The following PTPN21 variants were observed in gnomAD, a reference collection of about 807,000 sequenced individuals.
The protein encoded by PTPN21 is protein tyrosine phosphatase non-receptor type 21, also known as tyrosine-protein phosphatase non-receptor type 21.
In PTPN21, 77 loss-of-function variants were observed where a neutral mutation model predicts 131.8. That is an observed-to-expected ratio of 0.58 (90% confidence interval 0.49 to 0.71). The LOEUF (loss-of-function observed/expected upper bound fraction) is 0.71, where lower values mean the gene tolerates loss of function less well. PTPN21 is among the 30% of genes least tolerant of loss of function. The pLI, the probability that PTPN21 is intolerant of heterozygous loss-of-function variation, is 0.00. For synonymous variants in PTPN21, 715 were observed against 621.3 expected (o/e 1.15, Z -2.24); for missense variants, 1,552 against 1,527.1 (o/e 1.02, Z -0.27).
chr14:88,497,424 A>C, intron 8 of PTPN21, 134 bp from the exon 9 acceptor site: 1 of 701,648 alleles, frequency 1.4e-6, no homozygotes, highest in South Asian at 1.8e-5. Flanking sequence ...ACAAAAAACA[A>C]AAAACACGAG....
chr14:88,527,721 C>G (rs1042279321), intron 2 of PTPN21, among the ~76,000 whole-genome samples: 10 of 152,182 alleles, frequency 6.6e-5, no homozygotes, highest in Non-Finnish European at 1.3e-4. Context: ...GTCACAGACT[C>G]TTTGCCTAGG....
intron 10 of PTPN21, among the ~76,000 whole-genome samples, chr14:88,494,357 T>TA (rs2077870758): frequency 6.6e-6 from 1 of 152,150 alleles, no homozygotes. Flanking sequence ...CCACACTGTG[T>TA]ATGGCCTCGT....
chr14:88,539,459 G>T (rs745950402), intron 2 of PTPN21, among the ~76,000 whole-genome samples: 4 of 151,906 alleles, frequency 2.6e-5, no homozygotes, highest in Non-Finnish European at 4.4e-5. Flanking sequence ...TGTTGGTCAG[G>T]CTGGTCTCCA....
chr14:88,548,326 T>G (rs1440070138), intron 2 of PTPN21, among the ~76,000 whole-genome samples: 2 of 152,236 alleles, frequency 1.3e-5, no homozygotes, highest in Non-Finnish European at 2.9e-5. Context: ...TGTGTGGCCC[T>G]TACAGTCGGC....
At position 88,480,127 on chromosome 14, in the gene PTPN21, T is replaced by TG; in HGVS notation, c.1303dup (p.His435ProfsTer18). Reference sequence around the variant, plus strand: ...CGGGGGTATCACGGCGCTGTGCCGATGGGACGGGAGGTAGTCAGGCCTCAT... The same window carrying TG: ...CGGGGGTATCACGGCGCTGTGCCGATGGGGACGGGAGGTAGTCAGGCCTCAT... On this transcript the variant is annotated frameshift_variant, in exon 13 of 19. Coordinates refer to ENST00000556564, the MANE Select transcript of PTPN21 (RefSeq NM_007039.4). LOFTEE classifies it high-confidence loss of function. The TG allele has an allele frequency of 6.2e-7, 1 of 1,614,102 alleles. No homozygotes were observed. Among genetic ancestry groups the TG allele is most frequent in the Non-Finnish European group, 8.5e-7 (1 of 1,180,012 alleles).
At chr14:88,508,161 T>TG in intron 3 of PTPN21, 141 bp from the exon 4 acceptor site, 2 of 542,242 alleles carry the variant, frequency 3.7e-6, no homozygotes, top group South Asian at 5.2e-5. Flanking sequence ...TTTTTTTTTT[T>TG]TTTTTTAGAT....
chr14:88,541,638 T>C (rs1039767975), intron 2 of PTPN21, among the ~76,000 whole-genome samples: 15 of 152,114 alleles, frequency 9.9e-5, no homozygotes, highest in African/African-American at 3.6e-4. Context: ...CTGTCCCCCC[T>C]GAGAGGGGCT....
intron 10 of PTPN21, among the ~76,000 whole-genome samples, chr14:88,489,993 C>T (rs989028598): frequency 3.3e-5 from 5 of 151,798 alleles, no homozygotes; most frequent in Admixed American, 2.6e-4. Flanking sequence ...CACTCCAGCC[C>T]CATGAAATGT....
Position 88,469,992 on chromosome 14 carries a change from G to GTATTCT in PTPN21, c.2924_2929dup (p.Asn976_Thr977insLysAsn), listed in dbSNP as rs755412461. 8 of 1,613,368 alleles carry GTATTCT rather than the reference G, an allele frequency of 5.0e-6. No individual in the cohort carries two copies. Among genetic ancestry groups the GTATTCT allele is most frequent in the Non-Finnish European group, 6.8e-6 (8 of 1,179,396 alleles). ...TACCATCTGCCAAAAATCTTGACAG[G>GTATTCT]TATTCTGTAATGGTCCCTGTGTGGC... On this transcript the variant is annotated inframe_insertion, in exon 16 of 19. Coordinates refer to ENST00000556564, the MANE Select transcript of PTPN21 (RefSeq NM_007039.4). The surrounding 1 kb of genome is among the most constrained non-coding windows in gnomAD (Gnocchi z 4.3).
rs144216040 is a variant in PTPN21, at chr14:88,524,816, G to A, written c.181-7555C>T. ...GCTACTCAAGAGGCTAAAGTGGGAG[G>A]CTCACTTGGGCCCAGGAGACCAAGG... On this transcript the variant is annotated intron_variant, in intron 2 of 18. Transcript: ENST00000556564. 1.8e-3 allele frequency among the ~76,000 whole-genome samples: 269 copies of A among 151,986 alleles called. 2 individuals carry two copies. In the East Asian group the frequency reaches 0.04, roughly 22 times the overall value.
At chr14:88,482,868 AGTGGGCGG>A (rs1190295560) in intron 12 of PTPN21, among the ~76,000 whole-genome samples, 1 of 151,336 alleles carries the variant, frequency 6.6e-6, no homozygotes, top group African/African-American at 2.4e-5. Flanking sequence ...AAGACAGAGG[AGTGGGCGG>A]GTAACCAGCA....
At chr14:88,509,848 C>T (rs2139293279) in intron 3 of PTPN21, among the ~76,000 whole-genome samples, 1 of 152,260 alleles carries the variant, frequency 6.6e-6, no homozygotes, top group South Asian at 2.1e-4. Context: ...CCGGACTGGC[C>T]AACATGGTGA....
rs1416418318 is a variant in PTPN21 at position 88,529,147 on chromosome 14, T to C, written c.181-11886A>G. Among the ~76,000 whole-genome samples the C allele has an allele frequency of 4.6e-5, 7 of 152,304 alleles. No individual in the cohort carries two copies. The East Asian group carries it at 1.4e-3, about 29-fold the overall frequency. On this transcript the variant is annotated intron_variant, in intron 2 of 18. Transcript: ENST00000556564. ...ATGGCTTTTATTACCTTAAGGTATG[T>C]CCCTTCTATGCCAATTTTACTGAGG...
At chr14:88,505,280 G>A in intron 5 of PTPN21, 24 bp downstream of exon 5, 4 of 1,534,778 alleles carry the variant, frequency 2.6e-6, no homozygotes, top group Non-Finnish European at 3.6e-6. Flanking sequence ...CTTTTAAAAG[G>A]CCCAGTGTCA....
intron 2 of PTPN21, among the ~76,000 whole-genome samples, chr14:88,536,294 C>T (rs1429428173): frequency 6.6e-6 from 1 of 152,132 alleles, no homozygotes; most frequent in Non-Finnish European, 1.5e-5. Context: ...TCAATGATTT[C>T]TTCATAGTTG....
chr14:88,521,889 T>C (rs1301185516), intron 2 of PTPN21, among the ~76,000 whole-genome samples: 1 of 152,078 alleles, frequency 6.6e-6, no homozygotes, highest in Non-Finnish European at 1.5e-5. Flanking sequence ...TGTAATATAA[T>C]TTAAAAAAAT....
intron 2 of PTPN21, among the ~76,000 whole-genome samples, chr14:88,519,001 AC>A (rs2078348670): frequency 9.2e-5 from 14 of 152,152 alleles, no homozygotes; most frequent in Admixed American, 8.5e-4. Context: ...ACACACACAC[AC>A]ACACACACAG....
intron 5 of PTPN21, 82 bp downstream of exon 5, chr14:88,505,222 T>C (rs763863530): frequency 3.4e-4 from 393 of 1,147,554 alleles, no homozygotes; most frequent in Non-Finnish European, 4.8e-4. Context: ...AAGTCTATCA[T>C]ACGGATTTCA....
At chr14:88,470,128 A>T in intron 15 of PTPN21, 78 bp from the exon 16 acceptor site, 1 of 1,449,624 alleles carries the variant, frequency 6.9e-7, no homozygotes, top group Non-Finnish European at 9.4e-7. Context: ...TCATGGTAGT[A>T]CTAAAAAAGT....
Sources: allele counts gnomAD v4.1 joint callset (sites outside exome capture counted in the v4.1 genomes callset), GRCh38; gene constraint gnomAD v4.1.1; non-coding constraint Gnocchi (gnomAD v3.1); transcripts MANE v1.5; gene names NCBI Gene and HGNC (gene_info 2026-07-23, HGNC 2026-07-21).